Variants in ZNF316 observed in about 807,000 individuals in gnomAD.
ZNF316 encodes the protein zinc finger protein 316.
In ZNF316, 23 loss-of-function variants were observed where a neutral mutation model predicts 75.6. That is an observed-to-expected ratio of 0.30 (90% CI 0.22 to 0.43). ZNF316 has a LOEUF of 0.43. ZNF316 is among the 20% of genes least tolerant of loss of function. The probability of loss-of-function intolerance (pLI) is 1.00; values close to 1 mark genes in which losing one functional copy is unlikely to be tolerated. For synonymous variants in ZNF316, 827 were observed against 666.2 expected (o/e 1.24, Z -3.72); for missense variants, 1,266 against 1,409.4 (o/e 0.90, Z 1.63).
intron 8 of ZNF316, among the ~76,000 whole-genome samples, chr7:6,651,708 A>C (rs1225970869): frequency 6.6e-6 from 1 of 151,662 alleles, no homozygotes; most frequent in African/African-American, 2.4e-5. Flanking sequence ...GGTTGCAGTG[A>C]GCCAAGATCG....
chr7:6,650,800 G>C (rs962625236), intron 8 of ZNF316, among the ~76,000 whole-genome samples: 1 of 152,182 alleles, frequency 6.6e-6, no homozygotes, highest in Admixed American at 6.5e-5. Context: ...GTCCATGAAG[G>C]TGCCTTAGAG....
At position 6,657,593 on chromosome 7, in the gene ZNF316, G is replaced by A. The variant is rs979737580; in HGVS notation, c.*2982G>A. 1.3e-5 allele frequency among the ~76,000 whole-genome samples: 2 copies of A among 152,082 alleles called. No homozygotes were observed. The highest frequency in any genetic ancestry group is 2.9e-5 in the Non-Finnish European group (2 of 68,028). ...TGCCTGTAATCCCAGCACTATGGGA[G>A]GCCAAGGCGGATCCCTTGAGCTCAG... On this transcript the variant is annotated 3_prime_UTR_variant, in exon 9 of 9. Transcript: ENST00000382252.
intron 8 of ZNF316, 65 bp from the exon 9 acceptor site, chr7:6,652,238 A>T: frequency 1.6e-6 from 2 of 1,225,690 alleles, no homozygotes; most frequent in Non-Finnish European, 2.0e-6. Flanking sequence ...CGGGACAGGA[A>T]CCTGCCAGAG....
At position 6,653,435 on chromosome 7, in the gene ZNF316, C is replaced by G. The variant is rs923457686; in HGVS notation, c.1839C>G (p.Phe613Leu). ...AGTCCTGGCTGCACCCGGACAGCTTCCCGATCCTGGGCCTACCCGACTTCC... is the reference window on the plus strand; with the variant it reads ...AGTCCTGGCTGCACCCGGACAGCTTGCCGATCCTGGGCCTACCCGACTTCC... ...HPKSWLHPDS[F>L]PILGLPDFRE... The change falls in exon 9 of 9, where the codon TTC becomes TTG. Residue 613 changes from phenylalanine (F) to leucine (L), a missense_variant. Physicochemically the swap from Phe to Leu is conservative, Grantham distance 22. Transcript: ENST00000382252. 8.1e-7 allele frequency: 1 copy of G among 1,228,094 alleles called. No homozygotes were observed. Among genetic ancestry groups the G allele is most frequent in the African/African-American group, 1.6e-5 (1 of 64,168 alleles). The allele number at this position is 1,228,094 out of a possible 1,614,324, so 76.1% of individuals were successfully genotyped here. A position where few individuals can be genotyped will look rare whatever the true frequency, so the allele number is the denominator to read the frequency against.
At position 6,656,003 on chromosome 7, in the gene ZNF316, A is replaced by G. The variant is rs1363455886; in HGVS notation, c.*1392A>G. 6.6e-6 allele frequency: 1 copy of G among 152,248 alleles called. No homozygotes were observed. The highest frequency in any genetic ancestry group is 1.5e-5 in the Non-Finnish European group (1 of 68,084). The allele number at this position is 152,248 out of a possible 1,614,324, so 9.4% of individuals were successfully genotyped here. On this transcript the variant is annotated 3_prime_UTR_variant, in exon 9 of 9. Coordinates refer to ENST00000382252, the MANE Select transcript of ZNF316 (RefSeq NM_001278559.2). ...ATTTTTGGTGCAGCTGCATTCCCTA[A>G]TAGACCTAGTTCCCTCCACGTTAGT...
chr7:6,649,172 C>G (rs544010350), intron 8 of ZNF316, among the ~76,000 whole-genome samples: 1 of 152,296 alleles, frequency 6.6e-6, no homozygotes, highest in South Asian at 2.1e-4. Flanking sequence ...TCTGATCGGC[C>G]TCTCCTTTTT....
At position 6,653,664 on chromosome 7, in the gene ZNF316, C is replaced by G. The variant is rs1418785597; in HGVS notation, c.2068C>G (p.Pro690Ala). The G allele has an allele frequency of 9.3e-7, 1 of 1,075,728 alleles. No homozygotes were observed. Among genetic ancestry groups the G allele is most frequent in the Non-Finnish European group, 1.1e-6 (1 of 886,608 alleles). 66.6% of individuals were successfully genotyped at this position (1,075,728 alleles called of 1,614,324 possible). Residue 690 changes from proline to alanine, a missense_variant, in exon 9 of 9, where the codon CCG (proline) becomes GCG (alanine). Around this residue, in one of 3 missense-constraint regions of ZNF316, gnomAD observed 961 missense variants for 990.9 expected, o/e 0.97. Coordinates refer to ENST00000382252, the MANE Select transcript of ZNF316 (RefSeq NM_001278559.2). The part of the protein sequence containing the change: ...APAALAEEES[P>A]WICSDCGKTF... ...GGCCGCGCTGGCGGAGGAGGAGAGC[C>G]CGTGGATCTGCTCGGACTGCGGCAA...
Position 6,657,859 on chromosome 7 carries a change from G to C in ZNF316, c.*3248G>C, listed in dbSNP as rs563351963. 2.9e-5 allele frequency among the ~76,000 whole-genome samples: 3 copies of C among 102,630 alleles called. No homozygotes were observed. The highest frequency in any genetic ancestry group is 9.3e-5 in the African/African-American group (3 of 32,094). The allele number at this position is 102,630 out of a possible 152,430, so 67.3% of individuals were successfully genotyped here. On this transcript the variant is annotated 3_prime_UTR_variant, in exon 9 of 9. Transcript: ENST00000382252. Reference sequence around the variant, plus strand: ...AAAAAAAAAAAAAAAAAAAAAAAAGGTTCCCCGATAGAACTTATAGTTGAC... The same window carrying C: ...AAAAAAAAAAAAAAAAAAAAAAAAGCTTCCCCGATAGAACTTATAGTTGAC...
Position 6,640,648 on chromosome 7 carries a change from C to T in ZNF316, c.-166-1177C>T, listed in dbSNP as rs1417836047. On this transcript the variant is annotated intron_variant, in intron 3 of 8. Coordinates refer to ENST00000382252, the MANE Select transcript of ZNF316 (RefSeq NM_001278559.2). The surrounding 1 kb of genome is among the most constrained non-coding windows in gnomAD (Gnocchi z 5.1). ...CAAACATCCAGGCTCCATCAGTCCC[C>T]TTCCAGTCTCACGCTGAAGCATGAT... 3.3e-5 allele frequency among the ~76,000 whole-genome samples: 5 copies of T among 152,202 alleles called. No homozygotes were observed. The highest frequency in any genetic ancestry group is 1.9e-4 in the East Asian group (1 of 5,172).
In ZNF316 at chr7:6,642,150, AG is replaced by A; in HGVS notation, c.-29+192del. On this transcript the variant is annotated intron_variant, in intron 4 of 8. Transcript: ENST00000382252. The surrounding 1 kb of genome is among the most constrained non-coding windows in gnomAD (Gnocchi z 8.1). ...GAAAAGGAGCTGAGACTGGCATCCC[AG>A]GGGTCACGCGGAGGGGCCATTGGGG... is the stretch of plus-strand genomic sequence containing the variant. 2.8e-6 allele frequency: 1 copy of A among 362,834 alleles called. No individual in the cohort carries two copies. The highest frequency in any genetic ancestry group is 4.9e-6 in the Non-Finnish European group (1 of 203,020). The allele number at this position is 362,834 out of a possible 1,614,324, so 22.5% of individuals were successfully genotyped here.
rs560656325 is a variant in ZNF316, at chr7:6,642,301, C to G, written c.-28-81C>G. On this transcript the variant is annotated intron_variant, in intron 4 of 8. Coordinates refer to ENST00000382252, the MANE Select transcript of ZNF316 (RefSeq NM_001278559.2). The surrounding 1 kb of genome is among the most constrained non-coding windows in gnomAD (Gnocchi z 8.1). ...GAGTAAATCCTGCTCCCTGCGCCCC[C>G]GCCAGGCTGCGGGAGACCCTGTGAG... is the stretch of plus-strand genomic sequence containing the variant. 31 of 669,930 alleles carry G rather than the reference C, an allele frequency of 4.6e-5. No individual in the cohort carries two copies. Among genetic ancestry groups the G allele is most frequent in the Middle Eastern group, 9.2e-4 (2 of 2,172 alleles). The allele number at this position is 669,930 out of a possible 1,614,324, so 41.5% of individuals were successfully genotyped here.
intron 8 of ZNF316, among the ~76,000 whole-genome samples, chr7:6,647,427 C>G (rs28399923): frequency 6.6e-6 from 1 of 152,232 alleles, no homozygotes; most frequent in Non-Finnish European, 1.5e-5. Flanking sequence ...TGGACTTGGG[C>G]GTGTCACCCT....
chr7:6,651,385 TG>T (rs988172664), intron 8 of ZNF316, among the ~76,000 whole-genome samples: 1 of 150,966 alleles, frequency 6.6e-6, no homozygotes, highest in Non-Finnish European at 1.5e-5. Context: ...CTGGGCGCGG[TG>T]GGTCACGCCT....
rs976775534 is a variant in ZNF316, at chr7:6,640,198, G to C, written c.-167+1057G>C. ...GCAGTTCAGGAAATGAGTACGCGCG[G>C]CTGCTATGGTTTGGGTGTTTGTCCA... is the stretch of plus-strand genomic sequence containing the variant. On this transcript the variant is annotated intron_variant, in intron 3 of 8. Transcript: ENST00000382252. The surrounding 1 kb of genome is among the most constrained non-coding windows in gnomAD (Gnocchi z 5.1). Among the ~76,000 whole-genome samples, 1 of 152,144 alleles carries C rather than the reference G, an allele frequency of 6.6e-6. No homozygotes were observed. Among genetic ancestry groups the C allele is most frequent in the African/African-American group, 2.4e-5 (1 of 41,426 alleles).
rs1779354771 is a variant in ZNF316 at position 6,643,948 on chromosome 7, G to A, written c.592G>A (p.Gly198Arg). The change falls in exon 7 of 9, where the codon GGA becomes AGA. Residue 198 changes from glycine (G) to arginine (R), a missense_variant and splice_region_variant. By Grantham distance (125) the Gly-to-Arg change is moderately radical. Coordinates refer to ENST00000382252, the MANE Select transcript of ZNF316 (RefSeq NM_001278559.2). Reference sequence around the variant, plus strand: ...GAACTATGGGATTCTCGTGTCCTTGGGTAAGGACGGGACCTTTTGTCCCCA... The same window carrying A: ...GAACTATGGGATTCTCGTGTCCTTGAGTAAGGACGGGACCTTTTGTCCCCA... Reference protein sequence around the residue: ...QENYGILVSLGYPIPKPDLIF... With the variant: ...QENYGILVSLRYPIPKPDLIF... 1.6e-6 allele frequency: 2 copies of A among 1,232,466 alleles called. No individual in the cohort carries two copies. Among genetic ancestry groups the A allele is most frequent in the Non-Finnish European group, 2.0e-6 (2 of 988,240 alleles). The allele number at this position is 1,232,466 out of a possible 1,614,324, so 76.3% of individuals were successfully genotyped here.
At position 6,642,858 on chromosome 7, in the gene ZNF316, C is replaced by T; in HGVS notation, c.355+94C>T. On this transcript the variant is annotated intron_variant, in intron 5 of 8. Transcript: ENST00000382252. This position sits in a 1 kb window ranked among gnomAD's most constrained non-coding sequence, Gnocchi z 8.1. ...CAAGCCAGGAGGGCTCTTGGGCCGA[C>T]AGGGTGGAGCTGAAACCCAGCTTTG... 1.6e-6 allele frequency: 2 copies of T among 1,231,716 alleles called. No homozygotes were observed. Among genetic ancestry groups the T allele is most frequent in the Non-Finnish European group, 2.0e-6 (2 of 987,698 alleles). 76.3% of individuals were successfully genotyped at this position (1,231,716 alleles called of 1,614,324 possible). A position where few individuals can be genotyped will look rare whatever the true frequency, so the allele number is the denominator to read the frequency against.
Position 6,642,072 on chromosome 7 carries a change from C to T in ZNF316, c.-29+110C>T, listed in dbSNP as rs1255969098. ...TGTGGATAAAGACTGGGATAAATGC[C>T]TGATTTACTCCAGGAAAGAGCAGCA... On this transcript the variant is annotated intron_variant, in intron 4 of 8. Coordinates refer to ENST00000382252, the MANE Select transcript of ZNF316 (RefSeq NM_001278559.2). This position sits in a 1 kb window ranked among gnomAD's most constrained non-coding sequence, Gnocchi z 8.1. 1 of 236,884 alleles carries T rather than the reference C, an allele frequency of 4.2e-6. No homozygotes were observed. The highest frequency in any genetic ancestry group is 2.2e-5 in the African/African-American group (1 of 44,576). The allele number at this position is 236,884 out of a possible 1,614,324, so 14.7% of individuals were successfully genotyped here.
At chr7:6,649,828 T>C (rs905384391) in intron 8 of ZNF316, among the ~76,000 whole-genome samples, 1 of 151,748 alleles carries the variant, frequency 6.6e-6, no homozygotes, top group Non-Finnish European at 1.5e-5. Context: ...TGGCGGGGGG[T>C]GCCCTCTCTA....
Position 6,657,187 on chromosome 7 carries a change from G to T in ZNF316, c.*2576G>T, listed in dbSNP as rs1779642534. 6.6e-6 allele frequency among the ~76,000 whole-genome samples: 1 copy of T among 151,870 alleles called. No homozygotes were observed. Among genetic ancestry groups the T allele is most frequent in the African/African-American group, 2.4e-5 (1 of 41,336 alleles). On this transcript the variant is annotated 3_prime_UTR_variant, in exon 9 of 9. Coordinates refer to ENST00000382252, the MANE Select transcript of ZNF316 (RefSeq NM_001278559.2). ...TTTTTTGTATTTTTAGTAGAGATGG[G>T]ATTTCAGCATATTGGCCAGGCTGGT...
Sources: gnomAD v4.1 joint callset for allele counts (sites outside exome capture counted in the v4.1 genomes callset) on GRCh38, gnomAD v4.1.1 for gene constraint, gnomAD v4.1.1 regional missense constraint, Gnocchi (gnomAD v3.1) non-coding constraint, MANE v1.5 for transcripts, NCBI Gene and HGNC (gene_info 2026-07-23, HGNC 2026-07-21) for gene names.